The following SPMIP2 variants were observed in gnomAD, a reference collection of about 807,000 sequenced individuals.
The protein encoded by SPMIP2 is protein SPMIP2.
At chr4:159,036,952 C>T in the SPMIP2 span, among the ~76,000 whole-genome samples, 6 of 152,182 alleles carry the variant, frequency 3.9e-5, no homozygotes, top group Admixed American at 1.3e-4. Context: ...TTTTCCAAGG[C>T]GCCCAACTTT....
At chr4:158,966,068 G>A in the SPMIP2 span, among the ~76,000 whole-genome samples, 1 of 152,170 alleles carries the variant, frequency 6.6e-6, no homozygotes, top group African/African-American at 2.4e-5. Context: ...CCGAGTAGGT[G>A]GTCATAGTGG....
the SPMIP2 span, among the ~76,000 whole-genome samples, chr4:159,012,078 C>T: frequency 6.6e-6 from 1 of 151,098 alleles, no homozygotes; most frequent in Non-Finnish European, 1.5e-5. Flanking sequence ...AAAAATTATT[C>T]CTCAAATGGC....
the SPMIP2 span, among the ~76,000 whole-genome samples, chr4:159,004,189 TG>T: frequency 3.3e-5 from 5 of 151,716 alleles, no homozygotes; most frequent in Non-Finnish European, 5.9e-5. Context: ...GCTAATTTTT[TG>T]TTGTATTTTT....
chr4:158,961,356 T>C, the SPMIP2 span, among the ~76,000 whole-genome samples: 2 of 152,154 alleles, frequency 1.3e-5, no homozygotes, highest in Non-Finnish European at 2.9e-5. Context: ...CATTTATTTG[T>C]GTCATCTTCT....
At chr4:159,013,491 T>C in the SPMIP2 span, among the ~76,000 whole-genome samples, 1 of 152,224 alleles carries the variant, frequency 6.6e-6, no homozygotes, top group Non-Finnish European at 1.5e-5. Flanking sequence ...TGAGCCCCTC[T>C]TCCTGTCTGG....
the SPMIP2 span, among the ~76,000 whole-genome samples, chr4:158,936,375 C>T: frequency 6.6e-6 from 1 of 152,168 alleles, no homozygotes; most frequent in Admixed American, 6.5e-5. Flanking sequence ...TTCCTTGCAG[C>T]ATCAGAACGT....
the SPMIP2 span, among the ~76,000 whole-genome samples, chr4:159,074,977 A>G: frequency 1.3e-5 from 2 of 152,166 alleles, no homozygotes; most frequent in African/African-American, 4.8e-5. Context: ...AAGTCTGGTC[A>G]AGGATGGAGC....
the SPMIP2 span, among the ~76,000 whole-genome samples, chr4:158,944,763 C>G: frequency 0.65 from 98,422 of 151,966 alleles, 32,476 homozygotes; most frequent in East Asian, 0.9. Flanking sequence ...CTACTTTCAT[C>G]CCTTCTGGTA....
the SPMIP2 span, chr4:158,905,692 T>C: frequency 3.2e-5 from 1 of 31,214 alleles, no homozygotes; most frequent in East Asian, 7.8e-4. Flanking sequence ...CTAAAGTTCA[T>C]GCAAAAAAAA....
chr4:158,904,723 C>T, the SPMIP2 span: 6 of 593,982 alleles, frequency 1.0e-5, no homozygotes, highest in Admixed American at 1.5e-4. Context: ...CTTAGGTTTA[C>T]TTGACATAAT....
At chr4:159,001,044 TG>T in the SPMIP2 span, among the ~76,000 whole-genome samples, 3 of 152,216 alleles carry the variant, frequency 2.0e-5, no homozygotes, top group East Asian at 5.8e-4. Context: ...CTGGATCATA[TG>T]GTAGATGTAT....
the SPMIP2 span, among the ~76,000 whole-genome samples, chr4:159,021,255 A>G: frequency 1.3e-5 from 2 of 152,260 alleles, no homozygotes; most frequent in African/African-American, 4.8e-5. Flanking sequence ...CTCCAAAGCC[A>G]TTCAAACACA....
At chr4:158,907,583 A>G in the SPMIP2 span, 1 of 152,222 alleles carries the variant, frequency 6.6e-6, no homozygotes, top group Non-Finnish European at 1.5e-5. Context: ...AATATAAAGT[A>G]TCCCAAAATT....
chr4:158,919,836 T>C, the SPMIP2 span, among the ~76,000 whole-genome samples: 1 of 152,216 alleles, frequency 6.6e-6, no homozygotes, highest in Non-Finnish European at 1.5e-5. Flanking sequence ...TGTGTCCTTT[T>C]GACATGTCCC....
At chr4:159,007,627 G>T in the SPMIP2 span, 2 of 936,172 alleles carry the variant, frequency 2.1e-6, no homozygotes, top group Non-Finnish European at 1.7e-6. Flanking sequence ...TTCTCAGAAC[G>T]TCGGGATGCT....
the SPMIP2 span, among the ~76,000 whole-genome samples, chr4:159,042,795 T>C: frequency 2.4e-4 from 37 of 152,120 alleles, no homozygotes; most frequent in African/African-American, 8.7e-4. Context: ...CCCGAGTAGC[T>C]GGGACTACAG....
the SPMIP2 span, among the ~76,000 whole-genome samples, chr4:158,949,833 G>A: frequency 0.011 from 1,697 of 152,296 alleles, 12 homozygotes; most frequent in Middle Eastern, 0.02. Flanking sequence ...CAAGAAAGCG[G>A]ATCAGTTATA....
chr4:158,922,866 A>G, the SPMIP2 span, among the ~76,000 whole-genome samples: 4 of 152,216 alleles, frequency 2.6e-5, no homozygotes, highest in Admixed American at 2.6e-4. Flanking sequence ...TTCAGTTAGA[A>G]TAATGATTTC....
At chr4:159,033,882 C>T in the SPMIP2 span, among the ~76,000 whole-genome samples, 1 of 152,182 alleles carries the variant, frequency 6.6e-6, no homozygotes, top group Non-Finnish European at 1.5e-5. Context: ...CGCCTGGAAT[C>T]CCGACACAGG....
Sources: allele counts gnomAD v4.1 joint callset (sites outside exome capture counted in the v4.1 genomes callset), GRCh38; gene constraint gnomAD v4.1.1; transcripts MANE v1.5; gene names NCBI Gene and HGNC (gene_info 2026-07-23, HGNC 2026-07-21).